Variants in TLK1 observed in about 807,000 individuals in gnomAD.
The protein encoded by TLK1 is tousled like kinase 1.
Under a neutral mutation model 105.3 loss-of-function variants are expected in TLK1, and 24 were observed. The observed-to-expected ratio is 0.23, with a 90% CI of 0.17 to 0.32. TLK1 has a LOEUF of 0.32. TLK1 is among the 10% of genes least tolerant of loss of function. TLK1 has a pLI of 1.00. For missense variants in TLK1, 558 were observed against 910.5 expected (o/e 0.61, Z 4.98); for synonymous variants, 321 against 310.4 (o/e 1.03, Z -0.36).
intron 12 of TLK1, among the ~76,000 whole-genome samples, chr2:171,027,195 C>G (rs1685814080): frequency 6.6e-6 from 1 of 152,066 alleles, no homozygotes; most frequent in Non-Finnish European, 1.5e-5. Flanking sequence ...TCACCCTATC[C>G]CATGGAGACA....
intron 1 of TLK1, among the ~76,000 whole-genome samples, chr2:171,217,173 A>T (rs1023637260): frequency 6.6e-6 from 1 of 152,236 alleles, no homozygotes; most frequent in African/African-American, 2.4e-5. Flanking sequence ...AGAGCCTGGC[A>T]TGATTGCTGC....
At chr2:171,166,904 C>A (rs1218432331) in intron 1 of TLK1, among the ~76,000 whole-genome samples, 1 of 152,180 alleles carries the variant, frequency 6.6e-6, no homozygotes, top group East Asian at 1.9e-4. Context: ...TTAAAATGCT[C>A]ACAAATATAA....
At position 171,115,877 on chromosome 2, in the gene TLK1, C is replaced by A. The variant is rs182051464; in HGVS notation, c.258+1862G>T. On this transcript the variant is annotated intron_variant, in intron 2 of 20. Coordinates refer to ENST00000431350, the MANE Select transcript of TLK1 (RefSeq NM_012290.5). ...TATGCTCAAAGGACACATCACAGTA[C>A]TCTTTCATCTTTTATGTTTGTGAGC... Among the ~76,000 whole-genome samples, 5 of 152,294 alleles carry A rather than the reference C, an allele frequency of 3.3e-5. No individual in the cohort carries two copies. In the East Asian group the frequency reaches 7.7e-4, roughly 24 times the overall value.
rs1205436600 is a variant in TLK1, at chr2:170,991,773, T to C, written c.*2007A>G. ...GGCATTTCCTTTTAGTTCAGGAATT[T>C]AAATGTTACTTTATGAACATAGGAC... On this transcript the variant is annotated 3_prime_UTR_variant, in exon 21 of 21. Coordinates refer to ENST00000431350, the MANE Select transcript of TLK1 (RefSeq NM_012290.5). 6.6e-6 allele frequency: 1 copy of C among 152,212 alleles called. No homozygotes were observed. Among genetic ancestry groups the C allele is most frequent in the African/African-American group, 2.4e-5 (1 of 41,456 alleles). 9.4% of individuals were successfully genotyped at this position (152,212 alleles called of 1,614,324 possible).
chr2:171,041,567 AC>A (rs1447380317), intron 11 of TLK1, among the ~76,000 whole-genome samples: 1 of 152,218 alleles, frequency 6.6e-6, no homozygotes, highest in East Asian at 1.9e-4. Flanking sequence ...CTCATAGAGC[AC>A]AAACCCTATT....
chr2:171,101,056 G>A (rs948931882), intron 2 of TLK1, among the ~76,000 whole-genome samples: 3 of 152,096 alleles, frequency 2.0e-5, no homozygotes, highest in African/African-American at 7.2e-5. Flanking sequence ...GGTTTTAAAA[G>A]CCAGGCACAG....
intron 14 of TLK1, among the ~76,000 whole-genome samples, chr2:171,010,625 C>CAAA (rs77995237): frequency 0.013 from 1,222 of 94,436 alleles, 19 homozygotes; most frequent in African/African-American, 0.039. Flanking sequence ...ACATAAAGTA[C>CAAA]AAAAAAAAAA....
intron 1 of TLK1, among the ~76,000 whole-genome samples, chr2:171,143,468 T>G (rs1175421374): frequency 2.7e-5 from 3 of 110,956 alleles, no homozygotes; most frequent in Non-Finnish European, 5.0e-5. Flanking sequence ...ATCACACCAC[T>G]GCACTCCAGA....
intron 1 of TLK1, among the ~76,000 whole-genome samples, chr2:171,226,075 G>T (rs1693892351): frequency 6.6e-6 from 1 of 152,058 alleles, no homozygotes; most frequent in Non-Finnish European, 1.5e-5. Flanking sequence ...TCCCCTGGTG[G>T]AGTCCCATGA....
At chr2:171,045,564 A>C (rs372039576) in intron 11 of TLK1, 23 of 152,210 alleles carry the variant, frequency 1.5e-4, no homozygotes, top group African/African-American at 5.1e-4. Flanking sequence ...TAGAACAGAA[A>C]ATTTATGTAA....
chr2:171,159,493 A>G (rs920312178), intron 1 of TLK1: 1 of 152,220 alleles, frequency 6.6e-6, no homozygotes, highest in Non-Finnish European at 1.5e-5. Flanking sequence ...AACTTAGAAA[A>G]CAATTGTAAC....
At chr2:171,004,725 C>A (rs1300466989) in intron 18 of TLK1, among the ~76,000 whole-genome samples, 1 of 151,834 alleles carries the variant, frequency 6.6e-6, no homozygotes, top group African/African-American at 2.4e-5. Context: ...AAGATTCTAC[C>A]AAGATGCTTT....
At chr2:171,113,020 G>T (rs1330512160) in intron 2 of TLK1, among the ~76,000 whole-genome samples, 2 of 147,218 alleles carry the variant, frequency 1.4e-5, no homozygotes, top group East Asian at 2.0e-4. Context: ...TATAATAGAA[G>T]AATTCCCAAA....
intron 14 of TLK1, among the ~76,000 whole-genome samples, chr2:171,008,719 G>C (rs766063934): frequency 1.3e-5 from 2 of 151,956 alleles, no homozygotes; most frequent in Non-Finnish European, 2.9e-5. Flanking sequence ...AATCATGAAA[G>C]GGCTTTAAAG....
At chr2:171,126,427 G>A (rs1185938828) in intron 1 of TLK1, among the ~76,000 whole-genome samples, 1 of 152,110 alleles carries the variant, frequency 6.6e-6, no homozygotes, top group Non-Finnish European at 1.5e-5. Context: ...ATCCAAGGAT[G>A]ATATATTAGA....
chr2:171,200,039 G>A (rs1041815925), intron 1 of TLK1, among the ~76,000 whole-genome samples: 13 of 152,166 alleles, frequency 8.5e-5, no homozygotes, highest in African/African-American at 3.1e-4. Flanking sequence ...GCATAAATGT[G>A]AGAGACTGGA....
intron 2 of TLK1, among the ~76,000 whole-genome samples, chr2:171,083,419 A>C (rs968674742): frequency 6.6e-6 from 1 of 152,118 alleles, no homozygotes; most frequent in African/African-American, 2.4e-5. Context: ...TTCCTTGACA[A>C]TATTTTTGAA....
Position 171,054,991 on chromosome 2 carries a change from T to C in TLK1, c.639+92A>G, listed in dbSNP as rs181022821. On this transcript the variant is annotated intron_variant, in intron 7 of 20. Coordinates refer to ENST00000431350, the MANE Select transcript of TLK1 (RefSeq NM_012290.5). The stretch of plus-strand genomic sequence containing the variant: ...TTGATGTGTAATTCTGCTTTATGAC[T>C]ACATATAAAACAAACAGACATCTTA... 770 of 651,326 alleles carry C rather than the reference T, an allele frequency of 1.2e-3. 9 individuals carry two copies. In the African/African-American group the frequency reaches 0.013, roughly 11 times the overall value. The allele number at this position is 651,326 out of a possible 1,614,324, so 40.3% of individuals were successfully genotyped here. A position where few individuals can be genotyped will look rare whatever the true frequency, so the allele number is the denominator to read the frequency against.
At chr2:171,036,037 G>T (rs1686315824) in intron 11 of TLK1, among the ~76,000 whole-genome samples, 1 of 152,224 alleles carries the variant, frequency 6.6e-6, no homozygotes, top group Admixed American at 6.5e-5. Context: ...GCAGCCATAA[G>T]AAATTACTGC....
Sources: allele counts gnomAD v4.1 joint callset (sites outside exome capture counted in the v4.1 genomes callset), GRCh38; gene constraint gnomAD v4.1.1; transcripts MANE v1.5; gene names NCBI Gene and HGNC (gene_info 2026-07-23, HGNC 2026-07-21).